The following GALNT13 variants were observed in gnomAD, a reference collection of about 807,000 sequenced individuals.
GALNT13 encodes the protein polypeptide N-acetylgalactosaminyltransferase 13.
A neutral mutation model predicts 64.2 loss-of-function variants in GALNT13; 28 were observed. That is an observed-to-expected ratio of 0.44 (90% CI 0.32 to 0.60). GALNT13 has a LOEUF of 0.60. Among genes scored for constraint, GALNT13 ranks in the 20% least tolerant of loss-of-function variants. The probability of loss-of-function intolerance (pLI) is 0.05; values close to 1 mark genes in which losing one functional copy is unlikely to be tolerated. For synonymous variants in GALNT13, 214 were observed against 224.6 expected, an observed-to-expected ratio of 0.95 and a Z score of 0.42; for missense variants, 577 against 669.8, an observed-to-expected ratio of 0.86 and a Z score of 1.53.
chr2:153,431,611 C>T, the GALNT13 span, among the ~76,000 whole-genome samples: 1 of 152,196 alleles, frequency 6.6e-6, no homozygotes, highest in East Asian at 1.9e-4. Context: ...CCTTTCTAGG[C>T]TTCTAGCCCC....
At chr2:153,463,744 T>A in the GALNT13 span, among the ~76,000 whole-genome samples, 5 of 152,056 alleles carry the variant, frequency 3.3e-5, no homozygotes, top group East Asian at 9.7e-4. Context: ...TATCTCTGGA[T>A]CCATAGAGGT....
chr2:153,895,483 T>G (rs1687826995), intron 1 of GALNT13, among the ~76,000 whole-genome samples: 1 of 152,226 alleles, frequency 6.6e-6, no homozygotes, highest in Non-Finnish European at 1.5e-5. Context: ...TTGTGTAATC[T>G]TTTAGAAGAC....
chr2:154,392,506 A>G (rs1260039691), intron 9 of GALNT13, among the ~76,000 whole-genome samples: 3 of 152,196 alleles, frequency 2.0e-5, no homozygotes, highest in Admixed American at 6.5e-5. Flanking sequence ...TAGATGAGAC[A>G]AATGTAATTT....
the GALNT13 span, among the ~76,000 whole-genome samples, chr2:153,378,962 G>A: frequency 1.2e-4 from 18 of 151,972 alleles, no homozygotes; most frequent in African/African-American, 3.9e-4. Context: ...TCTTAAGCTT[G>A]TTGACCATAT....
the GALNT13 span, among the ~76,000 whole-genome samples, chr2:153,137,957 G>A: frequency 6.6e-6 from 1 of 152,004 alleles, no homozygotes; most frequent in Non-Finnish European, 1.5e-5. Context: ...CGTACTTCAT[G>A]TACTCCTTAT....
the GALNT13 span, among the ~76,000 whole-genome samples, chr2:153,692,784 A>G: frequency 6.6e-6 from 1 of 152,086 alleles, no homozygotes; most frequent in Non-Finnish European, 1.5e-5. Context: ...ATTATCCACT[A>G]TATTGATGTT....
the GALNT13 span, among the ~76,000 whole-genome samples, chr2:153,286,859 A>G: frequency 6.6e-6 from 1 of 152,214 alleles, no homozygotes; most frequent in African/African-American, 2.4e-5. Context: ...ATGAACCAGT[A>G]TCCAGAATTT....
chr2:153,906,446 C>A (rs1263568968), intron 2 of GALNT13, among the ~76,000 whole-genome samples: 1 of 146,156 alleles, frequency 6.8e-6, no homozygotes, highest in Non-Finnish European at 1.5e-5. Context: ...CTTCCTGTGT[C>A]CATGTGTTCT....
chr2:154,168,304 T>C (rs968753404), intron 4 of GALNT13, among the ~76,000 whole-genome samples: 7 of 152,164 alleles, frequency 4.6e-5, no homozygotes, highest in African/African-American at 1.4e-4. Context: ...AAAGGCATCC[T>C]ACCGGCAGAA....
chr2:153,595,974 G>A, the GALNT13 span, among the ~76,000 whole-genome samples: 2 of 152,190 alleles, frequency 1.3e-5, no homozygotes, highest in Non-Finnish European at 2.9e-5. Context: ...GCTCAGCTGA[G>A]TGGTTCTTGC....
chr2:154,335,295 C>T (rs1042035159), intron 9 of GALNT13, among the ~76,000 whole-genome samples: 11 of 151,964 alleles, frequency 7.2e-5, no homozygotes, highest in African/African-American at 2.4e-4. Flanking sequence ...CATCATAACT[C>T]GAATTTATTG....
chr2:153,726,888 C>T, the GALNT13 span, among the ~76,000 whole-genome samples: 20 of 144,726 alleles, frequency 1.4e-4, no homozygotes, highest in African/African-American at 4.6e-4. Context: ...TGCAGTGAGC[C>T]GAAATTGTGC....
the GALNT13 span, among the ~76,000 whole-genome samples, chr2:153,324,171 A>C: frequency 2.6e-5 from 4 of 152,086 alleles, no homozygotes; most frequent in East Asian, 1.9e-4. Flanking sequence ...AACTTCCTTG[A>C]GCATTGCTTT....
the GALNT13 span, among the ~76,000 whole-genome samples, chr2:153,840,408 T>G: frequency 6.6e-6 from 1 of 152,142 alleles, no homozygotes; most frequent in Non-Finnish European, 1.5e-5. Context: ...CAGGTCATTC[T>G]GTTGTAATCT....
chr2:153,174,397 A>C, the GALNT13 span, among the ~76,000 whole-genome samples: 2 of 151,868 alleles, frequency 1.3e-5, no homozygotes, highest in Non-Finnish European at 2.9e-5. Context: ...TCCACAAATC[A>C]CATGCCTAAT....
the GALNT13 span, among the ~76,000 whole-genome samples, chr2:153,597,799 C>T: frequency 6.6e-6 from 1 of 152,034 alleles, no homozygotes; most frequent in South Asian, 2.1e-4. Context: ...TCAAAATGAG[C>T]AACTCTAAAA....
the GALNT13 span, among the ~76,000 whole-genome samples, chr2:153,091,090 T>C: frequency 6.6e-6 from 1 of 152,220 alleles, no homozygotes; most frequent in African/African-American, 2.4e-5. Flanking sequence ...TCTGTACTCA[T>C]ACCTGTAGCA....
intron 9 of GALNT13, among the ~76,000 whole-genome samples, chr2:154,351,041 G>A (rs1696367356): frequency 6.6e-6 from 1 of 152,100 alleles, no homozygotes; most frequent in Non-Finnish European, 1.5e-5. Flanking sequence ...GGGGACACAG[G>A]ATTTGCAGCT....
At chr2:153,612,511 A>T in the GALNT13 span, among the ~76,000 whole-genome samples, 1 of 152,198 alleles carries the variant, frequency 6.6e-6, no homozygotes, top group South Asian at 2.1e-4. Context: ...TCAATGTGAA[A>T]AAAATGGAAA....
Sources: allele counts gnomAD v4.1 joint callset (sites outside exome capture counted in the v4.1 genomes callset), GRCh38; gene constraint gnomAD v4.1.1; transcripts MANE v1.5; gene names NCBI Gene and HGNC (gene_info 2026-07-23, HGNC 2026-07-21).